Variants in LRRC37A2 observed in about 807,000 individuals in gnomAD.
LRRC37A2 encodes leucine rich repeat containing 37 member A2.
In LRRC37A2, 9 loss-of-function variants were observed where a neutral mutation model predicts 68.8. The observed-to-expected ratio is 0.13, with a 90% CI of 0.08 to 0.23. LRRC37A2 has a LOEUF of 0.23. LRRC37A2 is among the 10% of genes least tolerant of loss of function. LRRC37A2 has a pLI of 1.00. For synonymous variants in LRRC37A2, 63 were observed against 367.6 expected (o/e 0.17, Z 9.48); for missense variants, 168 against 950.4 (o/e 0.18, Z 10.82).
At chr17:46,774,807 T>C in the LRRC37A2 span, among the ~76,000 whole-genome samples, 14 of 152,360 alleles carry the variant, frequency 9.2e-5, no homozygotes, top group African/African-American at 3.4e-4. Context: ...TTCCGTTCCC[T>C]GCCCTCAGCA....
chr17:46,853,125 G>T, the LRRC37A2 span, among the ~76,000 whole-genome samples: 1 of 152,108 alleles, frequency 6.6e-6, no homozygotes, highest in African/African-American at 2.4e-5. Flanking sequence ...TTGAAGGAAT[G>T]GTTGTTCCCT....
At chr17:46,839,359 T>C in the LRRC37A2 span, among the ~76,000 whole-genome samples, 14 of 152,330 alleles carry the variant, frequency 9.2e-5, no homozygotes, top group African/African-American at 3.1e-4. Flanking sequence ...TTGGCACTCT[T>C]AGCCCCTGGC....
chr17:46,930,670 A>AT, the LRRC37A2 span: 1 of 23,454 alleles, frequency 4.3e-5, no homozygotes, highest in Admixed American at 4.9e-4. Context: ...TTTTAAATAA[A>AT]AAAAAAAAAA....
chr17:46,829,975 G>T, the LRRC37A2 span, among the ~76,000 whole-genome samples: 3 of 152,116 alleles, frequency 2.0e-5, no homozygotes, highest in African/African-American at 7.2e-5. Flanking sequence ...TACCCAAAAA[G>T]CTCAGGGCAT....
chr17:46,809,844 C>T, the LRRC37A2 span, among the ~76,000 whole-genome samples: 1 of 152,096 alleles, frequency 6.6e-6, no homozygotes, highest in African/African-American at 2.4e-5. Flanking sequence ...CATCAGGACC[C>T]CTACAGGAAG....
At chr17:46,995,930 C>T in the LRRC37A2 span, among the ~76,000 whole-genome samples, 1 of 152,286 alleles carries the variant, frequency 6.6e-6, no homozygotes, top group South Asian at 2.1e-4. Context: ...CTGTCCTCGG[C>T]CCACCTCAGT....
At chr17:46,745,349 A>T in the LRRC37A2 span, among the ~76,000 whole-genome samples, 1 of 152,254 alleles carries the variant, frequency 6.6e-6, no homozygotes, top group Non-Finnish European at 1.5e-5. Context: ...TTTCTTAAAG[A>T]TGACGCTTTA....
chr17:46,553,731 T>C (rs1477669543), intron 12 of LRRC37A2: 1 of 392,282 alleles, frequency 2.5e-6, no homozygotes, highest in Non-Finnish European at 3.4e-6. Context: ...ATACTTACCC[T>C]AATGCTTAGC....
At chr17:46,963,416 G>A in the LRRC37A2 span, among the ~76,000 whole-genome samples, 2 of 152,118 alleles carry the variant, frequency 1.3e-5, no homozygotes, top group African/African-American at 4.8e-5. Flanking sequence ...GTGGTGGTGG[G>A]TGTCTGTAAT....
chr17:46,802,519 C>T, the LRRC37A2 span, among the ~76,000 whole-genome samples: 12 of 152,170 alleles, frequency 7.9e-5, no homozygotes, highest in South Asian at 2.1e-4. Flanking sequence ...CCACCTGCCT[C>T]GGCCTCCCAA....
At chr17:46,710,526 T>A in the LRRC37A2 span, among the ~76,000 whole-genome samples, 1 of 152,236 alleles carries the variant, frequency 6.6e-6, no homozygotes, top group African/African-American at 2.4e-5. Context: ...TCATTACCAT[T>A]TCGTATTCTC....
the LRRC37A2 span, among the ~76,000 whole-genome samples, chr17:46,934,428 G>T: frequency 6.6e-6 from 1 of 152,090 alleles, no homozygotes; most frequent in African/African-American, 2.4e-5. Context: ...AGGCTGAGGT[G>T]GGAGAATTGT....
chr17:46,880,584 A>C, the LRRC37A2 span, among the ~76,000 whole-genome samples: 1 of 152,198 alleles, frequency 6.6e-6, no homozygotes, highest in Admixed American at 6.5e-5. Context: ...AATTTATTGC[A>C]ATAACTTTGC....
the LRRC37A2 span, among the ~76,000 whole-genome samples, chr17:46,717,608 A>AGG: frequency 6.6e-6 from 1 of 152,144 alleles, no homozygotes; most frequent in South Asian, 2.1e-4. Context: ...GCTACTCAGG[A>AGG]GGCTGAGGCA....
the LRRC37A2 span, among the ~76,000 whole-genome samples, chr17:47,026,322 C>T: frequency 2.0e-5 from 3 of 152,162 alleles, no homozygotes; most frequent in Admixed American, 6.5e-5. Context: ...AAAATGGAGC[C>T]AGATCTTCTA....
chr17:46,979,583 G>A, the LRRC37A2 span, among the ~76,000 whole-genome samples: 1 of 152,046 alleles, frequency 6.6e-6, no homozygotes, highest in Non-Finnish European at 1.5e-5. Context: ...TTAAGCCCTC[G>A]TAAGCCTTGC....
the LRRC37A2 span, among the ~76,000 whole-genome samples, chr17:46,848,731 T>C: frequency 0.2 from 29,851 of 152,224 alleles, 3,595 homozygotes; most frequent in East Asian, 0.49. Flanking sequence ...TCATGAGCCA[T>C]AGCCAGTACT....
chr17:46,532,762 A>C (rs1161348652), intron 6 of LRRC37A2, among the ~76,000 whole-genome samples: 1 of 147,470 alleles, frequency 6.8e-6, no homozygotes, highest in African/African-American at 2.6e-5. Context: ...TATGTCTCTA[A>C]GAACAATAGT....
At chr17:46,951,460 G>A in the LRRC37A2 span, among the ~76,000 whole-genome samples, 1 of 152,238 alleles carries the variant, frequency 6.6e-6, no homozygotes, top group East Asian at 1.9e-4. Context: ...CCAGATCACA[G>A]GTTTAGCAGT....
Sources: gnomAD v4.1 joint callset for allele counts (sites outside exome capture counted in the v4.1 genomes callset) on GRCh38, gnomAD v4.1.1 for gene constraint, MANE v1.5 for transcripts, NCBI Gene and HGNC (gene_info 2026-07-23, HGNC 2026-07-21) for gene names.